The following MCTP1 variants were observed in gnomAD, a reference collection of about 807,000 sequenced individuals.
MCTP1 encodes multiple C2 and transmembrane domain containing 1, also known as multiple C2 and transmembrane domain-containing protein 1.
Under a neutral mutation model 120.6 loss-of-function variants are expected in MCTP1, and 69 were observed. The ratio of observed to expected loss-of-function variants is 0.57; its 90% CI spans 0.47 to 0.70. The LOEUF (loss-of-function observed/expected upper bound fraction) is 0.70, where lower values mean the gene tolerates loss of function less well. Among genes scored for constraint, MCTP1 ranks in the 30% least tolerant of loss-of-function variants. The pLI, the probability that MCTP1 is intolerant of heterozygous loss-of-function variation, is 0.00. For missense variants in MCTP1, 1,203 were observed against 1,248.8 expected, an observed-to-expected ratio of 0.96 and a Z score of 0.55; for synonymous variants, 529 against 493.1, an observed-to-expected ratio of 1.07 and a Z score of -0.96.
At chr5:95,024,077 T>C (rs1347092059) in intron 1 of MCTP1, 4 of 450,452 alleles carry the variant, frequency 8.9e-6, no homozygotes, top group Non-Finnish European at 1.3e-5. Flanking sequence ...TTGTTTTCTT[T>C]GTTGTGCAGA....
intron 1 of MCTP1, among the ~76,000 whole-genome samples, chr5:95,154,974 C>T (rs909686673): frequency 5.9e-5 from 9 of 151,790 alleles, no homozygotes; most frequent in African/African-American, 2.2e-4. Context: ...ATGAAGAGCA[C>T]GGTTTAGACA....
rs149152661 is a variant in MCTP1 at position 94,820,136 on chromosome 5, C to G, written c.2437-21004G>C. Among the ~76,000 whole-genome samples the G allele has an allele frequency of 2.5e-3, 385 of 152,280 alleles. 1 individual carries two copies. The highest frequency in any genetic ancestry group is 6.8e-3 in the Middle Eastern group (2 of 294). ...AAAGGAAACAACAGAAAAAGTGTTT[C>G]CTAACATATTGATGTCATGGCTTTA... On this transcript the variant is annotated intron_variant, in intron 17 of 22. Transcript: ENST00000515393.
intron 1 of MCTP1, among the ~76,000 whole-genome samples, chr5:95,248,305 G>C (rs1309091500): frequency 6.6e-6 from 1 of 152,184 alleles, no homozygotes; most frequent in African/African-American, 2.4e-5. Flanking sequence ...TCCTTAAGCT[G>C]ATAAGCAACT....
chr5:94,817,407 A>AAAACAAACAAACAAACAAAC (rs55957139), intron 17 of MCTP1, among the ~76,000 whole-genome samples: 1 of 149,922 alleles, frequency 6.7e-6, no homozygotes, highest in Non-Finnish European at 1.5e-5. Flanking sequence ...CTCTTGTCTC[A>AAAACAAACAAACAAACAAAC]AAACAAACAA....
intron 17 of MCTP1, among the ~76,000 whole-genome samples, chr5:94,865,609 T>C (rs1212374177): frequency 6.6e-6 from 1 of 151,896 alleles, no homozygotes; most frequent in African/African-American, 2.4e-5. Context: ...AGGGCTAAAA[T>C]GTCTCTAGTT....
At chr5:95,000,190 T>C (rs10060211) in intron 2 of MCTP1, among the ~76,000 whole-genome samples, 97,394 of 152,074 alleles carry the variant, frequency 0.64, 32,528 homozygotes, top group Middle Eastern at 0.77. Context: ...GGCAAACTGA[T>C]GTAAAGCTAC....
chr5:94,862,180 G>A (rs1177261429), intron 17 of MCTP1, among the ~76,000 whole-genome samples: 1 of 151,744 alleles, frequency 6.6e-6, no homozygotes, highest in Non-Finnish European at 1.5e-5. Flanking sequence ...TACTTTCCAC[G>A]TTACAGGACA....
intron 10 of MCTP1, among the ~76,000 whole-genome samples, chr5:94,906,929 C>CA (rs1807067797): frequency 6.6e-6 from 1 of 151,784 alleles, no homozygotes; most frequent in African/African-American, 2.4e-5. Context: ...TGAGAGCTTG[C>CA]AAAAAAGGAC....
chr5:94,704,338 A>G lies in MCTP1; in HGVS notation c.*3158T>C, dbSNP rs1187210361. On this transcript the variant is annotated 3_prime_UTR_variant, in exon 23 of 23. Transcript: ENST00000515393. ...CTTTACTTGTATTTCTGGAGCAAAAAGGTATAACTGCCTTATACCTTTTTG... is the reference window on the plus strand; with the variant it reads ...CTTTACTTGTATTTCTGGAGCAAAAGGGTATAACTGCCTTATACCTTTTTG... 1.3e-5 allele frequency: 2 copies of G among 151,592 alleles called. No individual in the cohort carries two copies. The highest frequency in any genetic ancestry group is 3.9e-4 in the East Asian group (2 of 5,142). The allele number at this position is 151,592 out of a possible 1,614,324, so 9.4% of individuals were successfully genotyped here.
intron 18 of MCTP1, among the ~76,000 whole-genome samples, chr5:94,797,418 T>G (rs563415161): frequency 6.6e-6 from 1 of 152,272 alleles, no homozygotes; most frequent in South Asian, 2.1e-4. Flanking sequence ...AAAATCGCCA[T>G]GAAGTAAATG....
At position 94,973,025 on chromosome 5, in the gene MCTP1, T is replaced by G. The variant is rs182610843; in HGVS notation, c.839-19664A>C. Among the ~76,000 whole-genome samples, 36 of 152,326 alleles carry G rather than the reference T, an allele frequency of 2.4e-4. 1 individual carries two copies. Among genetic ancestry groups the G allele is most frequent in the Admixed American group, 2.3e-3 (35 of 15,290 alleles). On this transcript the variant is annotated intron_variant, in intron 2 of 22. Coordinates refer to ENST00000515393, the MANE Select transcript of MCTP1 (RefSeq NM_024717.7). ...TGTGCTTTTAATACAATATTTTATT[T>G]AGTTATAACTCTAGCCCTGTGAGTT...
intron 18 of MCTP1, chr5:94,792,389 G>A (rs1779168684): frequency 6.6e-6 from 1 of 152,244 alleles, no homozygotes; most frequent in Non-Finnish European, 1.5e-5. Flanking sequence ...TTTTCCAGTT[G>A]TGTCATGAAG....
intron 1 of MCTP1, among the ~76,000 whole-genome samples, chr5:95,176,833 T>C (rs1181239808): frequency 6.6e-5 from 10 of 152,110 alleles, no homozygotes; most frequent in Non-Finnish European, 1.2e-4. Context: ...AGTGAGACAC[T>C]GTCTCAAATA....
At chr5:95,137,413 C>A (rs1435198634) in intron 1 of MCTP1, among the ~76,000 whole-genome samples, 1 of 152,216 alleles carries the variant, frequency 6.6e-6, no homozygotes, top group East Asian at 1.9e-4. Context: ...ACACTTTGTA[C>A]CATGCCTAGC....
chr5:95,170,957 C>T (rs201358355), intron 1 of MCTP1, among the ~76,000 whole-genome samples: 82 of 151,652 alleles, frequency 5.4e-4, no homozygotes, highest in Admixed American at 3.2e-3. Context: ...GTCATTATGA[C>T]GTTAGCTGGT....
chr5:95,074,464 T>C (rs1269977788), intron 1 of MCTP1, among the ~76,000 whole-genome samples: 1 of 152,276 alleles, frequency 6.6e-6, no homozygotes, highest in Non-Finnish European at 1.5e-5. Context: ...TAATCAATTG[T>C]CATTTGTTTT....
chr5:95,037,750 C>T (rs1413275932), intron 1 of MCTP1, among the ~76,000 whole-genome samples: 4 of 152,064 alleles, frequency 2.6e-5, no homozygotes, highest in Non-Finnish European at 5.9e-5. Context: ...ACCTATAATC[C>T]CAGCTACTCG....
intron 17 of MCTP1, among the ~76,000 whole-genome samples, chr5:94,861,874 A>T (rs1795869845): frequency 6.6e-6 from 1 of 151,788 alleles, no homozygotes; most frequent in Non-Finnish European, 1.5e-5. Context: ...TGAAACTACC[A>T]GATAAGTAAT....
intron 1 of MCTP1, among the ~76,000 whole-genome samples, chr5:95,271,255 C>T (rs539994031): frequency 5.5e-4 from 83 of 152,214 alleles, no homozygotes; most frequent in South Asian, 2.7e-3. Context: ...AGAGCCACTG[C>T]GAGACATTAG....
Sources: gnomAD v4.1 joint callset for allele counts (sites outside exome capture counted in the v4.1 genomes callset) on GRCh38, gnomAD v4.1.1 for gene constraint, MANE v1.5 for transcripts, NCBI Gene and HGNC (gene_info 2026-07-23, HGNC 2026-07-21) for gene names.